Variants in TFCP2L1 observed in about 807,000 individuals in gnomAD.
TFCP2L1 encodes transcription factor CP2 like 1.
TFCP2L1 carries 12 observed loss-of-function variants against 72.2 expected under a neutral mutation model. That is an observed-to-expected ratio of 0.17 (90% CI 0.11 to 0.27). The LOEUF (loss-of-function observed/expected upper bound fraction) is 0.27, where lower values mean the gene tolerates loss of function less well. Among genes scored for constraint, TFCP2L1 ranks in the 10% least tolerant of loss-of-function variants. TFCP2L1 has a pLI of 1.00. For synonymous variants in TFCP2L1, 260 were observed against 251.0 expected, an observed-to-expected ratio of 1.04 and a Z score of -0.34; for missense variants, 488 against 624.6, an observed-to-expected ratio of 0.78 and a Z score of 2.33.
At chr2:121,224,503 T>C in intron 14 of TFCP2L1, 116 bp from the exon 15 acceptor site, 1 of 967,524 alleles carries the variant, frequency 1.0e-6, no homozygotes, top group Non-Finnish European at 1.6e-6. Flanking sequence ...AAAATAGGGC[T>C]GCATACAGCA....
chr2:121,228,558 A>C (rs867588495), intron 13 of TFCP2L1, among the ~76,000 whole-genome samples: 20 of 151,982 alleles, frequency 1.3e-4, no homozygotes, highest in African/African-American at 4.6e-4. Context: ...CCAGGAGTTC[A>C]AGACCAGCCT....
chr2:121,235,574 CTTTTTTTTTT>C (rs34634906), intron 10 of TFCP2L1, among the ~76,000 whole-genome samples: 1 of 119,844 alleles, frequency 8.3e-6, no homozygotes, highest in Non-Finnish European at 1.7e-5. Flanking sequence ...TTCTTTCTTT[CTTTTTTTTTT>C]TTTTTTTTTT....
chr2:121,220,316 TC>T lies in TFCP2L1; in HGVS notation c.*4024del, dbSNP rs1685907434. 2 of 152,248 alleles carry T rather than the reference TC, an allele frequency of 1.3e-5. No homozygotes were observed. The highest frequency in any genetic ancestry group is 2.9e-5 in the Non-Finnish European group (2 of 68,146). 9.4% of individuals were successfully genotyped at this position (152,248 alleles called of 1,614,324 possible). A position where few individuals can be genotyped will look rare whatever the true frequency, so the allele number is the denominator to read the frequency against. ...TTGTTTAGGACCCCAAGTCAAAGCCTCGACCTCCCCACCCCATCCTGTCCTT... is the reference window on the plus strand; with the variant it reads ...TTGTTTAGGACCCCAAGTCAAAGCCTGACCTCCCCACCCCATCCTGTCCTT... On this transcript the variant is annotated 3_prime_UTR_variant, in exon 15 of 15. Transcript: ENST00000263707.
At chr2:121,257,501 C>T (rs1686751525) in intron 2 of TFCP2L1, among the ~76,000 whole-genome samples, 1 of 152,200 alleles carries the variant, frequency 6.6e-6, no homozygotes, top group African/African-American at 2.4e-5. Context: ...CTGCCCTCCA[C>T]CCACCTGAAG....
chr2:121,250,835 G>C (rs1030050728), intron 2 of TFCP2L1, among the ~76,000 whole-genome samples: 2 of 151,800 alleles, frequency 1.3e-5, no homozygotes, highest in African/African-American at 2.4e-5. Flanking sequence ...TCAAACTCCT[G>C]ACCTCGTGAT....
intron 1 of TFCP2L1, among the ~76,000 whole-genome samples, chr2:121,283,299 G>A (rs1413705261): frequency 6.6e-6 from 1 of 152,148 alleles, no homozygotes; most frequent in Non-Finnish European, 1.5e-5. Context: ...TGCCAAGTGA[G>A]GAGACGACCA....
rs1558728400 is a variant in TFCP2L1, at chr2:121,234,177, A to G, written c.1112T>C (p.Met371Thr). The G allele has an allele frequency of 6.2e-7, 1 of 1,614,206 alleles. No individual in the cohort carries two copies. The highest frequency in any genetic ancestry group is 8.5e-7 in the Non-Finnish European group (1 of 1,180,036). The change falls in exon 12 of 15, where the codon ATG becomes ACG. Residue 371 changes from methionine (M) to threonine (T), a missense_variant. Physicochemically the swap from Met to Thr is moderately conservative, Grantham distance 81. Around this residue, in one of 3 missense-constraint regions of TFCP2L1, gnomAD observed 286 missense variants for 329.0 expected, o/e 0.87. Transcript: ENST00000263707. ...CAGCTCCTGACAGACATAAATGGTC[A>G]TCTTTGGCCTCACATTCCTGGCAGG... ...AIKGRNVRPK[M>T]TIYVCQELEQ...
At chr2:121,244,792 C>A (rs1033978828) in intron 6 of TFCP2L1, among the ~76,000 whole-genome samples, 2 of 152,194 alleles carry the variant, frequency 1.3e-5, no homozygotes, top group Non-Finnish European at 2.9e-5. Context: ...GGGGCCAAGG[C>A]TGGCAGAGCA....
chr2:121,233,583 C>T lies in TFCP2L1; in HGVS notation c.1198+508G>A, dbSNP rs375384021. Among the ~76,000 whole-genome samples, 10 of 152,240 alleles carry T rather than the reference C, an allele frequency of 6.6e-5. No homozygotes were observed. The East Asian group carries it at 7.7e-4, about 12-fold the overall frequency. On this transcript the variant is annotated intron_variant, in intron 12 of 14. Transcript: ENST00000263707. ...CTGGAATTACAGGTATGAACCACCACACCCAGCCACAATTTTGCTCCTAAA... is the reference window on the plus strand; with the variant it reads ...CTGGAATTACAGGTATGAACCACCATACCCAGCCACAATTTTGCTCCTAAA...
In TFCP2L1 at chr2:121,285,130, CG is replaced by C; in HGVS notation, c.-22del. 1 of 1,482,608 alleles carries C rather than the reference CG, an allele frequency of 6.7e-7. No individual in the cohort carries two copies. Among genetic ancestry groups the C allele is most frequent in the Non-Finnish European group, 9.0e-7 (1 of 1,114,522 alleles). The allele number at this position is 1,482,608 out of a possible 1,614,324, so 91.8% of individuals were successfully genotyped here. A position where few individuals can be genotyped will look rare whatever the true frequency, so the allele number is the denominator to read the frequency against. On this transcript the variant is annotated 5_prime_UTR_variant, in exon 1 of 15. Coordinates refer to ENST00000263707, the MANE Select transcript of TFCP2L1 (RefSeq NM_014553.3). ...AGCATGGCTGGAACTCCCAGCGCGC[CG>C]ACCGGGGCGCGGCAGCAAGCGCAGA...
intron 1 of TFCP2L1, among the ~76,000 whole-genome samples, chr2:121,282,190 C>T (rs796954267): frequency 1.3e-4 from 20 of 152,016 alleles, no homozygotes; most frequent in African/African-American, 4.6e-4. Flanking sequence ...TCCTCGGCCT[C>T]CCAAAGTGCT....
At chr2:121,232,586 A>G (rs2713211) in intron 12 of TFCP2L1, among the ~76,000 whole-genome samples, 104,416 of 152,154 alleles carry the variant, frequency 0.69, 36,112 homozygotes, top group East Asian at 0.74. Flanking sequence ...GTGAACCCAC[A>G]TCAGAAGGAA....
intron 7 of TFCP2L1, chr2:121,240,485 G>C: frequency 8.1e-6 from 8 of 985,422 alleles, no homozygotes; most frequent in Non-Finnish European, 8.4e-6. Context: ...TTTAAGTATT[G>C]TGAGTGTGGG....
chr2:121,258,297 C>A (rs1169919957), intron 2 of TFCP2L1, among the ~76,000 whole-genome samples: 1 of 152,138 alleles, frequency 6.6e-6, no homozygotes, highest in Non-Finnish European at 1.5e-5. Context: ...TTGGTAATAC[C>A]CATCAATATT....
At chr2:121,280,802 AAGGGAGGG>A (rs145167535) in intron 2 of TFCP2L1, among the ~76,000 whole-genome samples, 54 of 138,780 alleles carry the variant, frequency 3.9e-4, no homozygotes, top group African/African-American at 1.2e-3. Flanking sequence ...AGAAAGAAGG[AAGGGAGGG>A]AGGGAGGGAG....
chr2:121,274,924 G>A (rs1210864559), intron 2 of TFCP2L1, among the ~76,000 whole-genome samples: 1 of 150,560 alleles, frequency 6.6e-6, no homozygotes, highest in Non-Finnish European at 1.5e-5. Context: ...GGGTGAAAGA[G>A]CAAGAAGACC....
At chr2:121,246,009 G>A (rs778499343) in intron 6 of TFCP2L1, among the ~76,000 whole-genome samples, 1 of 152,222 alleles carries the variant, frequency 6.6e-6, no homozygotes, top group Non-Finnish European at 1.5e-5. Flanking sequence ...GAGCACCAGG[G>A]CTGGTTACTC....
At chr2:121,256,099 T>G (rs764364281) in intron 2 of TFCP2L1, among the ~76,000 whole-genome samples, 14 of 152,100 alleles carry the variant, frequency 9.2e-5, no homozygotes, top group Non-Finnish European at 1.6e-4. Context: ...ATCTAAACCC[T>G]CCCGCTTCTC....
intron 2 of TFCP2L1, among the ~76,000 whole-genome samples, chr2:121,253,848 A>C (rs1343988142): frequency 1.3e-5 from 2 of 152,178 alleles, no homozygotes; most frequent in East Asian, 3.9e-4. Context: ...CTTTCTAGCC[A>C]TGCAGATGGA....
Sources: gnomAD v4.1 joint callset for allele counts (sites outside exome capture counted in the v4.1 genomes callset) on GRCh38, gnomAD v4.1.1 for gene constraint, gnomAD v4.1.1 regional missense constraint, MANE v1.5 for transcripts, NCBI Gene and HGNC (gene_info 2026-07-23, HGNC 2026-07-21) for gene names.